The following EGF variants were observed in gnomAD, a reference collection of about 807,000 sequenced individuals.
EGF encodes epidermal growth factor, also known as pro-epidermal growth factor.
A neutral mutation model predicts 143.8 loss-of-function variants in EGF; 95 were observed. The ratio of observed to expected loss-of-function variants is 0.66; its 90% CI spans 0.56 to 0.78. The LOEUF (loss-of-function observed/expected upper bound fraction) is 0.78, where lower values mean the gene tolerates loss of function less well. Among genes scored for constraint, EGF ranks in the 30% least tolerant of loss-of-function variants. EGF has a pLI of 0.00. For missense variants in EGF, 1,320 were observed against 1,470.9 expected (o/e 0.90, Z 1.68); for synonymous variants, 510 against 510.5 (o/e 1.00, Z 0.01).
chr4:109,979,855 G>A, intron 13 of EGF, 117 bp from the exon 14 acceptor site: 2 of 1,255,818 alleles, frequency 1.6e-6, no homozygotes, highest in South Asian at 2.8e-5. Context: ...AACTTGCTGA[G>A]TAGCTAAAGA....
At position 109,976,379 on chromosome 4, in the gene EGF, G is replaced by A. The variant is rs11568994; in HGVS notation, c.2053+144G>A. 0.29 allele frequency: 225,815 copies of A among 767,714 alleles called. 35,445 individuals are homozygous for A. Among genetic ancestry groups the A allele is most frequent in the Middle Eastern group, 0.33 (945 of 2,838 alleles). 47.6% of individuals were successfully genotyped at this position (767,714 alleles called of 1,614,324 possible). A position where few individuals can be genotyped will look rare whatever the true frequency, so the allele number is the denominator to read the frequency against. On this transcript the variant is annotated intron_variant, in intron 13 of 23. Coordinates refer to ENST00000265171, the MANE Select transcript of EGF (RefSeq NM_001963.6). ...GACAGACTTCTCCAGGGAATCATGA[G>A]CTGCAAAGCTTACCTTAACATTGGA... is the stretch of plus-strand genomic sequence containing the variant.
chr4:109,987,837 C>T lies in EGF; in HGVS notation c.2585C>T (p.Ala862Val). 2 of 1,613,698 alleles carry T rather than the reference C, an allele frequency of 1.2e-6. No homozygotes were observed. The highest frequency in any genetic ancestry group is 1.7e-6 in the Non-Finnish European group (2 of 1,179,686). The change falls in exon 17 of 24, where the codon GCT becomes GTT. Residue 862 changes from alanine to valine, a missense_variant. By Grantham distance (64) the Ala-to-Val change is moderately conservative (BLOSUM62 0). Transcript: ENST00000265171. ...ACATGTCAGTGTTTGAAAGGATTTG[C>T]TGGGGATGGAAAACTATGTTCTGGT... ...DATCQCLKGF[A>V]GDGKLCSDID...
chr4:109,949,519 T>C (rs917974534), intron 5 of EGF, among the ~76,000 whole-genome samples: 1 of 152,316 alleles, frequency 6.6e-6, no homozygotes, highest in Admixed American at 6.5e-5. Flanking sequence ...GTGTGCATCA[T>C]TACTCTCTAA....
intron 23 of EGF, 133 bp downstream of exon 23, chr4:110,008,363 AGCTGG>A: frequency 8.7e-7 from 1 of 1,153,094 alleles, no homozygotes; most frequent in Non-Finnish European, 1.3e-6. Flanking sequence ...CTATGTGAAT[AGCTGG>A]GCTGTATTGA....
In EGF at chr4:109,945,291, C is replaced by T. The variant is rs1377118509; in HGVS notation, c.940+16C>T. On this transcript the variant is annotated intron_variant, in intron 5 of 23. Transcript: ENST00000265171. ...TGGGAGCCTGGTGAGTCATCGTTGACCTTGCGCAGGGCCTGACACATAGTT... is the reference window on the plus strand; with the variant it reads ...TGGGAGCCTGGTGAGTCATCGTTGATCTTGCGCAGGGCCTGACACATAGTT... 1 of 1,610,650 alleles carries T rather than the reference C, an allele frequency of 6.2e-7. No homozygotes were observed. The highest frequency in any genetic ancestry group is 1.1e-5 in the South Asian group (1 of 90,772).
At chr4:109,920,683 C>A (rs181408257) in intron 1 of EGF, among the ~76,000 whole-genome samples, 3 of 151,754 alleles carry the variant, frequency 2.0e-5, no homozygotes, top group African/African-American at 7.3e-5. Flanking sequence ...GTTATAGTTT[C>A]TCATGTGAGA....
chr4:109,946,072 C>A (rs7668015), intron 5 of EGF, among the ~76,000 whole-genome samples: 8,111 of 152,166 alleles, frequency 0.053, 512 homozygotes, highest in East Asian at 0.18. Flanking sequence ...TCAATTTTTC[C>A]CACTGTCTCA....
chr4:109,964,973 G>A (rs1746312769), intron 10 of EGF, among the ~76,000 whole-genome samples: 1 of 152,078 alleles, frequency 6.6e-6, no homozygotes. Context: ...TTTGAGGGAG[G>A]AGATTCAATG....
At chr4:110,005,357 CTTAATA>C (rs1753136357) in intron 22 of EGF, among the ~76,000 whole-genome samples, 1 of 151,888 alleles carries the variant, frequency 6.6e-6, no homozygotes, top group East Asian at 1.9e-4. Context: ...TCTTAATTTT[CTTAATA>C]TTTCTTAATA....
chr4:109,962,100 T>C (rs2126061291), intron 8 of EGF, 115 bp downstream of exon 8: 1 of 1,502,548 alleles, frequency 6.7e-7, no homozygotes, highest in Non-Finnish European at 9.2e-7. Context: ...TATTGTATAC[T>C]GAAAGATATT....
intron 1 of EGF, among the ~76,000 whole-genome samples, chr4:109,918,299 T>C (rs79721763): frequency 1.2e-3 from 180 of 150,480 alleles, no homozygotes; most frequent in East Asian, 8.4e-3. Context: ...GGGTTATTCA[T>C]AGCGAATGAC....
intron 4 of EGF, among the ~76,000 whole-genome samples, chr4:109,944,537 G>A (rs1301213813): frequency 6.6e-6 from 1 of 152,218 alleles, no homozygotes; most frequent in African/African-American, 2.4e-5. Context: ...TTCCTTTAAC[G>A]TGAGGATAAT....
At chr4:109,992,285 A>G (rs1751073559) in intron 18 of EGF, 1 of 151,860 alleles carries the variant, frequency 6.6e-6, no homozygotes, top group Non-Finnish European at 1.5e-5. Flanking sequence ...TCTCTCCAAC[A>G]TTCATGAAAG....
chr4:109,943,794 A>C, intron 3 of EGF, 48 bp from the exon 4 acceptor site: 1 of 1,526,926 alleles, frequency 6.5e-7, no homozygotes, highest in Non-Finnish European at 9.1e-7. Flanking sequence ...TGGCCATTTA[A>C]GGCACTATAC....
chr4:109,932,483 A>G (rs1200372040), intron 1 of EGF, among the ~76,000 whole-genome samples: 1 of 148,164 alleles, frequency 6.7e-6, no homozygotes, highest in African/African-American at 2.5e-5. Flanking sequence ...GGTTCACACC[A>G]TTCTCCTGCC....
intron 1 of EGF, among the ~76,000 whole-genome samples, chr4:109,927,616 C>T (rs1738922048): frequency 6.7e-6 from 1 of 150,314 alleles, no homozygotes; most frequent in Non-Finnish European, 1.5e-5. Context: ...CCCAGCTACT[C>T]GGGAGGCTGA....
intron 1 of EGF, among the ~76,000 whole-genome samples, chr4:109,914,867 G>A (rs983782043): frequency 3.3e-5 from 5 of 152,286 alleles, no homozygotes; most frequent in South Asian, 2.1e-4. Flanking sequence ...AGAATTTTCC[G>A]TGGAGTAGTT....
At chr4:109,970,741 C>G (rs1445781671) in intron 11 of EGF, among the ~76,000 whole-genome samples, 1 of 144,628 alleles carries the variant, frequency 6.9e-6, no homozygotes, top group African/African-American at 2.6e-5. Context: ...AGGAGAATGG[C>G]GTGAACCTGG....
intron 10 of EGF, among the ~76,000 whole-genome samples, chr4:109,966,227 A>C (rs911163461): frequency 2.0e-5 from 3 of 151,790 alleles, no homozygotes; most frequent in Non-Finnish European, 4.4e-5. Context: ...TGCAGTCTCC[A>C]ATGTCTGTTA....
Sources: gnomAD v4.1 joint callset for allele counts (sites outside exome capture counted in the v4.1 genomes callset) on GRCh38, gnomAD v4.1.1 for gene constraint, MANE v1.5 for transcripts, NCBI Gene and HGNC (gene_info 2026-07-23, HGNC 2026-07-21) for gene names.